Variants in CCR6 observed in about 807,000 individuals in gnomAD.
CCR6 encodes C-C motif chemokine receptor 6, also known as C-C chemokine receptor type 6.
A neutral mutation model predicts 3.0 loss-of-function variants in CCR6; 2 were observed. That is an observed-to-expected ratio of 0.66 (90% confidence interval 0.27 to 2.07). The LOEUF is 2.07. Among genes scored for constraint, CCR6 ranks in the 30% most tolerant of loss-of-function variants. The pLI is 0.14. For synonymous variants in CCR6, 193 were observed against 184.3 expected (o/e 1.05, Z -0.38); for missense variants, 322 against 462.8 (o/e 0.70, Z 2.79).
chr6:167,122,710 G>A (rs1781607360), upstream of CCR6: 1 of 152,366 alleles, frequency 6.6e-6, no homozygotes, highest in African/African-American at 2.4e-5. This position sits in a 1 kb window ranked among gnomAD's most constrained non-coding sequence, Gnocchi z 4.2. Flanking sequence ...GTGGGGCCAG[G>A]ACTGACTGAC....
intron 1 of CCR6, among the ~76,000 whole-genome samples, chr6:167,130,977 C>CTCCCTCCGGGACT (rs1562559609): frequency 7.6e-6 from 1 of 131,662 alleles, no homozygotes; most frequent in African/African-American, 3.1e-5. Context: ...TCTGGGACCA[C>CTCCCTCCGGGACT]CCTCCCTCTG....
In CCR6 at chr6:167,136,890, C is replaced by G. The variant is rs950296603; in HGVS notation, c.660C>G (p.Leu220=). The G allele has an allele frequency of 2.5e-6, 4 of 1,614,180 alleles. No homozygotes were observed. Among genetic ancestry groups the G allele is most frequent in the Non-Finnish European group, 3.4e-6 (4 of 1,180,040 alleles). The change falls in exon 3 of 3, where the codon CTC becomes CTG. Residue 220 remains leucine, a synonymous_variant. Coordinates refer to ENST00000341935, the MANE Select transcript of CCR6 (RefSeq NM_031409.4). This position sits in a 1 kb window ranked among gnomAD's most constrained non-coding sequence, Gnocchi z 4.6. ...TGCTGATGTTGGGGCTTGAGCTACTCTTTGGTTTCTTTATCCCTTTGATGT... is the reference window on the plus strand; with the variant it reads ...TGCTGATGTTGGGGCTTGAGCTACTGTTTGGTTTCTTTATCCCTTTGATGT... ...WKLLMLGLEL[L]FGFFIPLMFM...
chr6:167,135,955 A>G (rs2114938911), intron 1 of CCR6, 83 bp from the exon 2 acceptor site: 1 of 668,408 alleles, frequency 1.5e-6, no homozygotes, highest in Non-Finnish European at 2.7e-6. Context: ...TTCACACGAG[A>G]TGGAATGCTG....
chr6:167,114,331 G>T (rs1046982915), intron 1 of CCR6, among the ~76,000 whole-genome samples: 1 of 152,166 alleles, frequency 6.6e-6, no homozygotes, highest in African/African-American at 2.4e-5. Flanking sequence ...TAGCTGAGAC[G>T]GTCTAGCTCC....
At chr6:167,118,406 C>T (rs1227109085), upstream of CCR6, among the ~76,000 whole-genome samples, 1 of 152,182 alleles carries the variant, frequency 6.6e-6, no homozygotes, top group East Asian at 1.9e-4. Context: ...CAAGAATTTT[C>T]AGTTACACGA....
chr6:167,119,732 T>C (rs1431180932), upstream of CCR6, among the ~76,000 whole-genome samples: 2 of 152,264 alleles, frequency 1.3e-5, no homozygotes, highest in African/African-American at 4.8e-5. Flanking sequence ...CTAGAGAATT[T>C]GCTGATGTAA....
At position 167,115,808 on chromosome 6, in the gene CCR6, A is replaced by G. The variant is rs935382122; in HGVS notation, c.-98+3794A>G. ...ATTTTTTAATAATTACATTTCTTAT[A>G]TTTCTACCTCCTTATACAAACACCA... On this transcript the variant is annotated intron_variant, in intron 1 of 2. Coordinates refer to the CCR6 transcript ENST00000400926. 2.0e-5 allele frequency: 3 copies of G among 152,312 alleles called. 1 individual carries two copies. Among genetic ancestry groups the G allele is most frequent in the Non-Finnish European group, 1.5e-5 (1 of 68,012 alleles). 9.4% of individuals were successfully genotyped at this position (152,312 alleles called of 1,614,324 possible).
At chr6:167,112,308 G>C (rs143230730) in intron 1 of CCR6, among the ~76,000 whole-genome samples, 81 of 152,258 alleles carry the variant, frequency 5.3e-4, no homozygotes, top group African/African-American at 1.9e-3. Context: ...TAAAGAGTTA[G>C]GGCGGTAAAG....
At chr6:167,118,985 G>A (rs56155472), upstream of CCR6, among the ~76,000 whole-genome samples, 10,702 of 152,094 alleles carry the variant, frequency 0.07, 661 homozygotes, top group African/African-American at 0.16. Context: ...CCGTAAACTC[G>A]CTCCCTGTCC....
At position 167,136,603 on chromosome 6, in the gene CCR6, T is replaced by C; in HGVS notation, c.373T>C (p.Tyr125His). 1 of 1,613,188 alleles carries C rather than the reference T, an allele frequency of 6.2e-7. No individual in the cohort carries two copies. The highest frequency in any genetic ancestry group is 8.5e-7 in the Non-Finnish European group (1 of 1,179,292). The change falls in exon 3 of 3, where the codon TAT (tyrosine) becomes CAT (histidine). Residue 125 changes from tyrosine to histidine, a missense_variant. Coordinates refer to ENST00000341935, the MANE Select transcript of CCR6 (RefSeq NM_031409.4). The surrounding 1 kb of genome is among the most constrained non-coding windows in gnomAD (Gnocchi z 4.6). ...CACGTGCAAGTTGCTAAAAGGCATC[T>C]ATGCCATCAACTTTAACTGCGGGAT... is the stretch of plus-strand genomic sequence containing the variant. ...NATCKLLKGI[Y>H]AINFNCGMLL...
Position 167,137,794 on chromosome 6 carries a change from AT to A in CCR6, c.*440del, listed in dbSNP as rs1286872952. 1 of 163,538 alleles carries A rather than the reference AT, an allele frequency of 6.1e-6. No homozygotes were observed. The highest frequency in any genetic ancestry group is 5.6e-5 in the Admixed American group (1 of 17,850). The allele number at this position is 163,538 out of a possible 1,614,324, so 10.1% of individuals were successfully genotyped here. ...CCAACACATCACTCATTTTAGGCAAATGTTTAAACATTTTTATCTATCAGAA... is the reference window on the plus strand; with the variant it reads ...CCAACACATCACTCATTTTAGGCAAAGTTTAAACATTTTTATCTATCAGAA... On this transcript the variant is annotated 3_prime_UTR_variant, in exon 3 of 3. Transcript: ENST00000341935. The surrounding 1 kb of genome is among the most constrained non-coding windows in gnomAD (Gnocchi z 4.6).
At chr6:167,115,109 C>A (rs538791222) in intron 1 of CCR6, 4 of 152,268 alleles carry the variant, frequency 2.6e-5, no homozygotes, top group Non-Finnish European at 5.9e-5. Context: ...AAGAATCTGT[C>A]TCCTCCGACA....
At chr6:167,118,187 A>G (rs539089585), upstream of CCR6, among the ~76,000 whole-genome samples, 1 of 152,122 alleles carries the variant, frequency 6.6e-6, no homozygotes, top group Admixed American at 6.5e-5. Context: ...TTCCACCCCC[A>G]TCTCTACCAC....
intron 1 of CCR6, 112 bp from the exon 2 acceptor site, chr6:167,135,926 T>G (rs1781843077): frequency 1.8e-6 from 1 of 564,832 alleles, no homozygotes; most frequent in African/African-American, 1.9e-5. Context: ...GTATGTAAAA[T>G]AGTGTGCTGT....
intron 1 of CCR6, chr6:167,131,441 G>C (rs1269313186): frequency 2.0e-5 from 3 of 152,200 alleles, no homozygotes; most frequent in Admixed American, 6.5e-5. Context: ...CATCAACTCA[G>C]CCTCCACGTG....
In CCR6 at chr6:167,137,174, T is replaced by A; in HGVS notation, c.944T>A (p.Leu315His). Residue 315 changes from leucine (L) to histidine (H), a missense_variant, in exon 3 of 3, where the codon CTC becomes CAC. By Grantham distance (99) the Leu-to-His change is moderately conservative (BLOSUM62 -3). Coordinates refer to ENST00000341935, the MANE Select transcript of CCR6 (RefSeq NM_031409.4). The surrounding 1 kb of genome is among the most constrained non-coding windows in gnomAD (Gnocchi z 4.6). Reference protein sequence around the residue: ...AFLHCCLNPVLYAFIGQKFRN... With the variant: ...AFLHCCLNPVHYAFIGQKFRN... ...CTGCACTGCTGCCTGAACCCTGTGC[T>A]CTACGCTTTTATTGGGCAGAAGTTC... The A allele has an allele frequency of 6.2e-7, 1 of 1,614,200 alleles. No individual in the cohort carries two copies. The highest frequency in any genetic ancestry group is 8.5e-7 in the Non-Finnish European group (1 of 1,180,028).
intron 1 of CCR6, among the ~76,000 whole-genome samples, chr6:167,132,152 T>C (rs1403226790): frequency 1.3e-5 from 2 of 152,216 alleles, no homozygotes; most frequent in Non-Finnish European, 2.9e-5. Context: ...GAGCATGCAT[T>C]AGTCGCCCGT....
chr6:167,113,595 G>A (rs1781446938), intron 1 of CCR6, among the ~76,000 whole-genome samples: 1 of 152,212 alleles, frequency 6.6e-6, no homozygotes, highest in African/African-American at 2.4e-5. Context: ...TGGGGCCCAG[G>A]CAGGGTTGGA....
In CCR6 at chr6:167,136,665, C is replaced by G; in HGVS notation, c.435C>G (p.Ile145Met). 1 of 1,614,148 alleles carries G rather than the reference C, an allele frequency of 6.2e-7. No homozygotes were observed. The change falls in exon 3 of 3, where the codon ATC (isoleucine) becomes ATG (methionine). Residue 145 changes from isoleucine (I) to methionine (M), a missense_variant. Coordinates refer to ENST00000341935, the MANE Select transcript of CCR6 (RefSeq NM_031409.4). The surrounding 1 kb of genome is among the most constrained non-coding windows in gnomAD (Gnocchi z 4.6). ...CTTGCATTAGCATGGACCGGTACAT[C>G]GCCATTGTACAGGCGACTAAGTCAT... is the stretch of plus-strand genomic sequence containing the variant. ...LLTCISMDRY[I>M]AIVQATKSFR...
Sources: gnomAD v4.1 joint callset for allele counts (sites outside exome capture counted in the v4.1 genomes callset) on GRCh38, gnomAD v4.1.1 for gene constraint, Gnocchi (gnomAD v3.1) non-coding constraint, MANE v1.5 for transcripts, NCBI Gene and HGNC (gene_info 2026-07-23, HGNC 2026-07-21) for gene names.